Variants in NXN observed in about 807,000 individuals in gnomAD.
NXN encodes the protein nucleoredoxin.
NXN carries 16 observed loss-of-function variants against 48.6 expected under a neutral mutation model. The ratio of observed to expected loss-of-function variants is 0.33; its 90% CI spans 0.22 to 0.50. The LOEUF is 0.50. Ranked by LOEUF, NXN falls within the 20% of genes least tolerant of loss-of-function variation. NXN has a pLI of 0.98. For missense variants in NXN, 492 were observed against 605.5 expected (o/e 0.81, Z 1.97); for synonymous variants, 281 against 269.6 (o/e 1.04, Z -0.41).
intron 1 of NXN, among the ~76,000 whole-genome samples, chr17:831,537 A>AGCTCACTGCAACCTCC (rs937227967): frequency 6.6e-6 from 1 of 151,812 alleles, no homozygotes; most frequent in Non-Finnish European, 1.5e-5. Flanking sequence ...ACACAATCTC[A>AGCTCACTGCAACCTCC]GCTCACTGCA....
At chr17:948,714 G>A (rs1037141126) in intron 1 of NXN, among the ~76,000 whole-genome samples, 73 of 151,784 alleles carry the variant, frequency 4.8e-4, no homozygotes, top group Non-Finnish European at 7.5e-4. Context: ...ACCCCGGCCC[G>A]TCCCGCCCCA....
At chr17:922,178 A>G (rs2044274367) in intron 1 of NXN, among the ~76,000 whole-genome samples, 1 of 152,208 alleles carries the variant, frequency 6.6e-6, no homozygotes, top group South Asian at 2.1e-4. Flanking sequence ...ACAGTGGCTC[A>G]CGTCTGTAAT....
chr17:950,590 G>A (rs939144275), intron 1 of NXN, among the ~76,000 whole-genome samples: 2 of 151,880 alleles, frequency 1.3e-5, no homozygotes, highest in Non-Finnish European at 2.9e-5. Flanking sequence ...CAAACGGCCA[G>A]GCCAGCACAG....
chr17:905,957 A>G (rs1217642519), intron 1 of NXN, among the ~76,000 whole-genome samples: 1 of 150,886 alleles, frequency 6.6e-6, no homozygotes, highest in Non-Finnish European at 1.5e-5. Context: ...AGCCTGAACT[A>G]CAGAGTGAGA....
At chr17:974,151 C>T (rs1306284232) in intron 1 of NXN, among the ~76,000 whole-genome samples, 2 of 151,638 alleles carry the variant, frequency 1.3e-5, no homozygotes, top group Non-Finnish European at 2.9e-5. Flanking sequence ...AGATCGAGAC[C>T]ATCCTGGCTA....
At chr17:879,457 T>C (rs1057054045) in intron 1 of NXN, among the ~76,000 whole-genome samples, 4 of 151,754 alleles carry the variant, frequency 2.6e-5, no homozygotes, top group Non-Finnish European at 5.9e-5. Context: ...AGGCTAATTT[T>C]TGAATTTTTA....
intron 1 of NXN, among the ~76,000 whole-genome samples, chr17:923,157 G>A (rs1482227317): frequency 5.3e-5 from 8 of 152,202 alleles, no homozygotes; most frequent in African/African-American, 1.4e-4. Context: ...CCACCTGGAC[G>A]GCGCGGTGGC....
intron 1 of NXN, among the ~76,000 whole-genome samples, chr17:949,791 G>A (rs78032260): frequency 0.051 from 7,721 of 151,140 alleles, 345 homozygotes; most frequent in East Asian, 0.24. Flanking sequence ...GGGCAGCCAC[G>A]TGAGGACCTC....
At chr17:862,558 T>C (rs970740001) in intron 1 of NXN, among the ~76,000 whole-genome samples, 2 of 152,182 alleles carry the variant, frequency 1.3e-5, no homozygotes, top group African/African-American at 4.8e-5. Context: ...GAAAGAATCA[T>C]CACATATCAG....
chr17:918,810 G>A (rs1160883689), intron 1 of NXN, among the ~76,000 whole-genome samples: 1 of 138,936 alleles, frequency 7.2e-6, no homozygotes, highest in East Asian at 2.5e-4. Context: ...AAGGCCGGGG[G>A]TGGGGGGGCG....
At chr17:885,449 C>A (rs954021742) in intron 1 of NXN, among the ~76,000 whole-genome samples, 1 of 151,386 alleles carries the variant, frequency 6.6e-6, no homozygotes, top group Non-Finnish European at 1.5e-5. Flanking sequence ...TACACTCCAG[C>A]CTGGGCAACA....
At chr17:910,904 G>A (rs1249621788) in intron 1 of NXN, 1 of 152,132 alleles carries the variant, frequency 6.6e-6, no homozygotes, top group Non-Finnish European at 1.5e-5. Flanking sequence ...TTCCCTCCCC[G>A]CGAGAAGGCT....
chr17:954,626 GC>G (rs1567517663), intron 1 of NXN, among the ~76,000 whole-genome samples: 1 of 152,184 alleles, frequency 6.6e-6, no homozygotes. Flanking sequence ...AGGCCCCAGG[GC>G]CGAGTGCCAG....
In NXN at chr17:818,736, T is replaced by A. The variant is rs185406403; in HGVS notation, c.820+703A>T. On this transcript the variant is annotated intron_variant, in intron 5 of 7. Transcript: ENST00000336868. ...CCATCTCTACTAAAAATACAAAAAA[T>A]TTAGCCGGGCGTGTGGTGGGCGCCT... 4.8e-3 allele frequency among the ~76,000 whole-genome samples: 723 copies of A among 151,740 alleles called. 5 individuals carry two copies. The highest frequency in any genetic ancestry group is 0.016 in the African/African-American group (642 of 41,400).
intron 1 of NXN, among the ~76,000 whole-genome samples, chr17:976,948 T>G (rs924344692): frequency 6.6e-6 from 1 of 152,126 alleles, no homozygotes; most frequent in Non-Finnish European, 1.5e-5. Context: ...GTATTTTTAG[T>G]AGAGACGGGG....
chr17:926,807 G>A (rs1447310673), intron 1 of NXN, among the ~76,000 whole-genome samples: 1 of 152,070 alleles, frequency 6.6e-6, no homozygotes, highest in African/African-American at 2.4e-5. Context: ...CTCCCAAAGA[G>A]CTGGGATTCC....
At chr17:841,574 A>T (rs74339086) in intron 1 of NXN, among the ~76,000 whole-genome samples, 5 of 9,546 alleles carry the variant, frequency 5.2e-4, no homozygotes, top group African/African-American at 3.6e-3. Context: ...CTGACCACGG[A>T]GCATCTCACG....
At position 958,731 on chromosome 17, in the gene NXN, C is replaced by T. The variant is rs2069200609; in HGVS notation, c.360+20588G>A. 6.6e-6 allele frequency among the ~76,000 whole-genome samples: 1 copy of T among 152,036 alleles called. No individual in the cohort carries two copies. Among genetic ancestry groups the T allele is most frequent in the African/African-American group, 2.4e-5 (1 of 41,386 alleles). On this transcript the variant is annotated intron_variant, in intron 1 of 7. Coordinates refer to ENST00000336868, the MANE Select transcript of NXN (RefSeq NM_022463.5). The surrounding 1 kb of genome is among the most constrained non-coding windows in gnomAD (Gnocchi z 6.9). The stretch of plus-strand genomic sequence containing the variant: ...GAGCCCAGATTGTGCCACTGAACTC[C>T]AGCACAGGCGACAGAGCGAGACTCC...
chr17:884,123 A>T lies in NXN; in HGVS notation c.361-58045T>A, dbSNP rs1041794913. On this transcript the variant is annotated intron_variant, in intron 1 of 7. Coordinates refer to ENST00000336868, the MANE Select transcript of NXN (RefSeq NM_022463.5). ...GTGGTCCCAGCTACTTGAGAGGCTG[A>T]GGCAGGAGAATGGCATGAACCTGGG... Among the ~76,000 whole-genome samples, 3 of 152,246 alleles carry T rather than the reference A, an allele frequency of 2.0e-5. No individual in the cohort carries two copies. The South Asian group carries it at 6.2e-4, about 32-fold the overall frequency.
Sources: gnomAD v4.1 joint callset for allele counts (sites outside exome capture counted in the v4.1 genomes callset) on GRCh38, gnomAD v4.1.1 for gene constraint, Gnocchi (gnomAD v3.1) non-coding constraint, MANE v1.5 for transcripts, NCBI Gene and HGNC (gene_info 2026-07-23, HGNC 2026-07-21) for gene names.